VPS8: variants seen among roughly 807,000 people sequenced by gnomAD.
VPS8 encodes the protein vacuolar protein sorting-associated protein 8 homolog.
Under a neutral mutation model 216.4 loss-of-function variants are expected in VPS8, and 129 were observed. The ratio of observed to expected loss-of-function variants is 0.60; its 90% confidence interval spans 0.52 to 0.69. The LOEUF (loss-of-function observed/expected upper bound fraction) is 0.69. Ranked by LOEUF, VPS8 falls within the 30% of genes least tolerant of loss-of-function variation. VPS8 has a pLI of 0.00. For synonymous variants in VPS8, 571 were observed against 565.4 expected, an observed-to-expected ratio of 1.01 and a Z score of -0.14; for missense variants, 1,531 against 1,683.5, an observed-to-expected ratio of 0.91 and a Z score of 1.59.
At chr3:185,020,749 A>T (rs1192643063) in intron 45 of VPS8, among the ~76,000 whole-genome samples, 1 of 152,204 alleles carries the variant, frequency 6.6e-6, no homozygotes, top group Non-Finnish European at 1.5e-5. Flanking sequence ...TATTACAGGT[A>T]TAAGATACCA....
At chr3:184,936,979 C>T (rs1253330216) in intron 35 of VPS8, among the ~76,000 whole-genome samples, 16 of 152,158 alleles carry the variant, frequency 1.1e-4, no homozygotes, top group South Asian at 2.1e-4. Context: ...CCTCATGATC[C>T]GCCTGCCTCG....
intron 3 of VPS8, among the ~76,000 whole-genome samples, chr3:184,826,501 T>C (rs955342074): frequency 3.3e-5 from 5 of 152,250 alleles, no homozygotes; most frequent in African/African-American, 4.8e-5. Flanking sequence ...ATTTCCGTCA[T>C]CACAGAAAGT....
At chr3:184,901,048 T>C in intron 25 of VPS8, 76 bp downstream of exon 25, 1 of 1,246,298 alleles carries the variant, frequency 8.0e-7, no homozygotes, top group Non-Finnish European at 1.2e-6. Context: ...AATTGGCCAA[T>C]TATATGTGTG....
intron 3 of VPS8, 72 bp from the exon 4 acceptor site, chr3:184,832,617 C>T (rs1720238058): frequency 1.4e-6 from 2 of 1,383,084 alleles, no homozygotes; most frequent in Admixed American, 2.4e-5. Context: ...TCTGGAGAAA[C>T]CCATTAATGC....
At chr3:184,837,220 T>TA (rs397814288) in intron 5 of VPS8, among the ~76,000 whole-genome samples, 4 of 152,240 alleles carry the variant, frequency 2.6e-5, no homozygotes, top group East Asian at 1.9e-4. Context: ...GTGTTTTTTT[T>TA]AGCTTTTGAA....
chr3:184,873,495 C>G (rs1406076238), intron 21 of VPS8, among the ~76,000 whole-genome samples: 1 of 152,022 alleles, frequency 6.6e-6, no homozygotes, highest in African/African-American at 2.4e-5. Flanking sequence ...TGTAAGGTGG[C>G]TACTGTTACT....
In VPS8 at chr3:184,994,007, C is replaced by G; in HGVS notation, c.3610C>G (p.Leu1204Val). ...LQDPVYGKGK[L>V]GEIQGLILGM... ...GGATCCAGTTTATGGAAAAGGAAAA[C>G]TTGGAGAAATCCAGGGACTTATCTT... Residue 1204 changes from leucine to valine, a missense_variant, in exon 43 of 48, where the codon CTT becomes GTT. Around this residue, in one of 3 missense-constraint regions of VPS8, gnomAD observed 1,318 missense variants for 1,468.4 expected, o/e 0.90. Coordinates refer to ENST00000625842, the MANE Select transcript of VPS8 (RefSeq NM_001009921.3). The G allele has an allele frequency of 6.4e-7, 1 of 1,566,422 alleles. No homozygotes were observed. The highest frequency in any genetic ancestry group is 8.6e-7 in the Non-Finnish European group (1 of 1,156,682).
chr3:184,880,212 C>T (rs769198982), intron 21 of VPS8, among the ~76,000 whole-genome samples: 2 of 152,056 alleles, frequency 1.3e-5, no homozygotes, highest in East Asian at 1.9e-4. Context: ...ATGGTACAGT[C>T]GCATAACCAG....
At chr3:184,901,243 T>TC (rs1435299782) in intron 25 of VPS8, 7 of 370,840 alleles carry the variant, frequency 1.9e-5, no homozygotes, top group Non-Finnish European at 2.9e-5. Context: ...TAAATGGAAT[T>TC]ATGTGCTATG....
intron 25 of VPS8, among the ~76,000 whole-genome samples, chr3:184,913,278 T>C (rs1736897557): frequency 1.3e-5 from 2 of 152,218 alleles, no homozygotes; most frequent in Non-Finnish European, 1.5e-5. Context: ...TACATAGATC[T>C]CTACCCTCAG....
chr3:184,918,325 A>G (rs890795717), intron 28 of VPS8, among the ~76,000 whole-genome samples: 40 of 152,082 alleles, frequency 2.6e-4, no homozygotes, highest in African/African-American at 6.5e-4. Context: ...CTACAAAAAT[A>G]TTTTTTTATG....
chr3:184,964,644 G>T (rs1309838436), intron 38 of VPS8, 87 bp downstream of exon 38: 2 of 745,858 alleles, frequency 2.7e-6, no homozygotes, highest in African/African-American at 3.6e-5. Context: ...TTCAAAGCCA[G>T]TTGCAGACCG....
intron 40 of VPS8, among the ~76,000 whole-genome samples, chr3:184,981,428 C>CTTTTTT (rs67454758): frequency 1.5e-5 from 1 of 68,522 alleles, no homozygotes; most frequent in African/African-American, 4.9e-5. Context: ...GCAGTGGGTT[C>CTTTTTT]TTTTTTTTTT....
At chr3:184,838,668 TA>T in intron 5 of VPS8, 45 bp from the exon 6 acceptor site, 1 of 1,472,896 alleles carries the variant, frequency 6.8e-7, no homozygotes, top group African/African-American at 1.4e-5. Context: ...TTTTCTGTTT[TA>T]AAATGAGAAT....
intron 45 of VPS8, among the ~76,000 whole-genome samples, chr3:185,004,363 G>T (rs1426740709): frequency 6.6e-6 from 1 of 151,836 alleles, no homozygotes; most frequent in Non-Finnish European, 1.5e-5. Flanking sequence ...GCCCGCAATC[G>T]CAGGCACTCG....
At chr3:184,874,379 C>T (rs1728875875) in intron 21 of VPS8, among the ~76,000 whole-genome samples, 1 of 152,086 alleles carries the variant, frequency 6.6e-6, no homozygotes, top group African/African-American at 2.4e-5. Context: ...GTATTAATTA[C>T]ATCCTAGGAC....
intron 46 of VPS8, among the ~76,000 whole-genome samples, chr3:185,026,448 G>C (rs1198476327): frequency 3.1e-5 from 4 of 130,156 alleles, no homozygotes; most frequent in Admixed American, 8.9e-5. Context: ...GTTTCCCTCT[G>C]TTGCCCAGGC....
intron 28 of VPS8, among the ~76,000 whole-genome samples, chr3:184,919,801 C>A (rs1738292393): frequency 6.6e-6 from 1 of 152,092 alleles, no homozygotes; most frequent in Non-Finnish European, 1.5e-5. Flanking sequence ...TCCTTCTGTT[C>A]TCAAACCTTT....
At chr3:184,876,149 G>T (rs772981039) in intron 21 of VPS8, among the ~76,000 whole-genome samples, 4 of 151,786 alleles carry the variant, frequency 2.6e-5, no homozygotes, top group Non-Finnish European at 4.4e-5. Context: ...TCCATTTTTG[G>T]CTTCCCTGAT....
Sources: gnomAD v4.1 joint callset for allele counts (sites outside exome capture counted in the v4.1 genomes callset) on GRCh38, gnomAD v4.1.1 for gene constraint, gnomAD v4.1.1 regional missense constraint, MANE v1.5 for transcripts, NCBI Gene and HGNC (gene_info 2026-07-23, HGNC 2026-07-21) for gene names.